The following NUP205 variants were observed in gnomAD, a reference collection of about 807,000 sequenced individuals.
NUP205 encodes the protein nuclear pore complex protein Nup205.
NUP205 carries 76 observed loss-of-function variants against 253.8 expected under a neutral mutation model. The ratio of observed to expected loss-of-function variants is 0.30; its 90% CI spans 0.25 to 0.36. The LOEUF is 0.36. Among genes scored for constraint, NUP205 ranks in the 10% least tolerant of loss-of-function variants. NUP205 has a pLI of 1.00. For synonymous variants in NUP205, 832 were observed against 850.1 expected (o/e 0.98, Z 0.37); for missense variants, 2,162 against 2,425.5 (o/e 0.89, Z 2.28).
At chr7:135,629,268 G>A (rs1794654726) in intron 34 of NUP205, among the ~76,000 whole-genome samples, 2 of 152,220 alleles carry the variant, frequency 1.3e-5, no homozygotes, top group South Asian at 2.1e-4. Context: ...GACTCCATGA[G>A]TGTACATTAT....
intron 22 of NUP205, among the ~76,000 whole-genome samples, chr7:135,611,654 T>G (rs1794241960): frequency 6.6e-6 from 1 of 152,194 alleles, no homozygotes; most frequent in South Asian, 2.1e-4. Context: ...TCCAGTTTTT[T>G]TTTTACTCTG....
intron 35 of NUP205, among the ~76,000 whole-genome samples, chr7:135,632,705 A>C (rs1794737589): frequency 6.6e-6 from 1 of 151,902 alleles, no homozygotes; most frequent in Non-Finnish European, 1.5e-5. Context: ...CCAGTGTCCT[A>C]AGATGATACC....
chr7:135,581,995 G>A (rs533607674), intron 7 of NUP205, among the ~76,000 whole-genome samples: 27 of 152,234 alleles, frequency 1.8e-4, no homozygotes, highest in Non-Finnish European at 3.7e-4. Context: ...TCTTCAAGAA[G>A]TAATTTTTGG....
At position 135,606,784 on chromosome 7, in the gene NUP205, G is replaced by A. The variant is rs550978799; in HGVS notation, c.2939G>A (p.Arg980His). 1.2e-5 allele frequency: 19 copies of A among 1,613,572 alleles called. No individual in the cohort carries two copies. Among genetic ancestry groups the A allele is most frequent in the Admixed American group, 1.0e-4 (6 of 59,982 alleles). The change falls in exon 21 of 43, where the codon CGT (arginine) becomes CAT (histidine). Residue 980 changes from arginine to histidine, a missense_variant. This residue lies in a region of NUP205 where 1,144 missense variants were observed against 1,280.9 expected (regional missense o/e 0.89). Coordinates refer to ENST00000285968, the MANE Select transcript of NUP205 (RefSeq NM_015135.3). ...CTTGAAAAGAAATTAGTTGCAATTC[G>A]TCATGAAACAAGAATCCACATCTTG... ...SELEKKLVAI[R>H]HETRIHILNL...
chr7:135,570,854 T>TTACA (rs1805974922), intron 1 of NUP205, among the ~76,000 whole-genome samples: 1 of 114,172 alleles, frequency 8.8e-6, no homozygotes, highest in Admixed American at 1.2e-4. Flanking sequence ...ATTACATATA[T>TTACA]TATATATAAA....
At chr7:135,560,395 A>G (rs890814655) in intron 1 of NUP205, among the ~76,000 whole-genome samples, 2 of 152,230 alleles carry the variant, frequency 1.3e-5, no homozygotes, top group African/African-American at 4.8e-5. Flanking sequence ...AAGAGTGTAC[A>G]TTGTATAATA....
intron 29 of NUP205, 41 bp downstream of exon 29, chr7:135,619,731 A>G (rs1165943533): frequency 6.3e-7 from 1 of 1,595,940 alleles, no homozygotes; most frequent in South Asian, 1.1e-5. Context: ...TATCTTTTGT[A>G]TTTGTTTTAA....
rs536970647 is a variant in NUP205 at position 135,626,124 on chromosome 7, G to C, written c.4672-116G>C. Reference sequence around the variant, plus strand: ...TATAATGTAACCTGTCACTAGCCCAGATTTCTCTTCAGTGATAACTAAGGA... The same window carrying C: ...TATAATGTAACCTGTCACTAGCCCACATTTCTCTTCAGTGATAACTAAGGA... On this transcript the variant is annotated intron_variant, in intron 32 of 42. Transcript: ENST00000285968. 35 of 1,260,850 alleles carry C rather than the reference G, an allele frequency of 2.8e-5. No homozygotes were observed. The African/African-American group carries it at 4.9e-4, about 18-fold the overall frequency. 78.1% of individuals were successfully genotyped at this position (1,260,850 alleles called of 1,614,324 possible).
intron 33 of NUP205, 77 bp from the exon 34 acceptor site, chr7:135,627,896 G>T: frequency 7.1e-7 from 1 of 1,417,714 alleles, no homozygotes; most frequent in East Asian, 2.3e-5. Context: ...TGATTTATTT[G>T]CCATATCAGT....
chr7:135,573,253 A>T (rs1356370753), intron 2 of NUP205, among the ~76,000 whole-genome samples: 2 of 152,206 alleles, frequency 1.3e-5, no homozygotes, highest in Non-Finnish European at 2.9e-5. Flanking sequence ...ACTACATTTT[A>T]TATAACATTA....
chr7:135,606,673 A>T, intron 20 of NUP205, 78 bp from the exon 21 acceptor site: 1 of 1,107,250 alleles, frequency 9.0e-7, no homozygotes, highest in Non-Finnish European at 1.3e-6. Flanking sequence ...GAGTTGGAAT[A>T]CAAGTTTTGT....
At position 135,600,875 on chromosome 7, in the gene NUP205, A is replaced by C. The variant is rs965928762; in HGVS notation, c.2280A>C (p.Glu760Asp). The stretch of plus-strand genomic sequence containing the variant: ...CTATTTATATCTTTCTATAGTGGGA[A>C]GTTGCTGAGGTGGTTTTGGAGGTGT... ...RAYRRAAEKW[E>D]VAEVVLEVFY... The change falls in exon 16 of 43, where the codon GAA becomes GAC. Residue 760 changes from glutamate to aspartate, a missense_variant. Glu to Asp is a conservative substitution (Grantham distance 45). Transcript: ENST00000285968. 1 of 1,601,698 alleles carries C rather than the reference A, an allele frequency of 6.2e-7. No individual in the cohort carries two copies. Among genetic ancestry groups the C allele is most frequent in the Non-Finnish European group, 8.5e-7 (1 of 1,169,886 alleles).
At chr7:135,599,883 A>G (rs1469550255) in intron 15 of NUP205, among the ~76,000 whole-genome samples, 1 of 152,220 alleles carries the variant, frequency 6.6e-6, no homozygotes, top group Non-Finnish European at 1.5e-5. Context: ...GATAAATAAC[A>G]GCGTGTTAGA....
chr7:135,567,512 A>AG (rs1021066295), intron 1 of NUP205, among the ~76,000 whole-genome samples: 109 of 147,998 alleles, frequency 7.4e-4, no homozygotes, highest in African/African-American at 2.5e-3. Context: ...CAGGAGGCTG[A>AG]GGGGGGCAGT....
At chr7:135,620,227 C>T (rs951169680) in intron 30 of NUP205, among the ~76,000 whole-genome samples, 2 of 152,108 alleles carry the variant, frequency 1.3e-5, no homozygotes, top group African/African-American at 4.8e-5. Flanking sequence ...GAGTACTTAT[C>T]TAGTTGATTC....
At chr7:135,620,228 TA>T (rs1216638939) in intron 30 of NUP205, among the ~76,000 whole-genome samples, 1 of 152,218 alleles carries the variant, frequency 6.6e-6, no homozygotes, top group Non-Finnish European at 1.5e-5. Flanking sequence ...AGTACTTATC[TA>T]GTTGATTCTT....
chr7:135,563,184 T>G (rs1475604400), intron 1 of NUP205, among the ~76,000 whole-genome samples: 1 of 152,070 alleles, frequency 6.6e-6, no homozygotes, highest in African/African-American at 2.4e-5. Context: ...TTATTTTATT[T>G]TTATTTATTT....
chr7:135,647,083 T>C (rs1795026588), intron 42 of NUP205, among the ~76,000 whole-genome samples: 1 of 152,218 alleles, frequency 6.6e-6, no homozygotes, highest in African/African-American at 2.4e-5. Context: ...TGATCAGTAG[T>C]GTTAGAATGA....
Position 135,573,833 on chromosome 7 carries a change from G to T in NUP205, c.343+8G>T, listed in dbSNP as rs1392979485. On this transcript the variant is annotated splice_region_variant and intron_variant, in intron 3 of 42. Coordinates refer to ENST00000285968, the MANE Select transcript of NUP205 (RefSeq NM_015135.3). ...TTGAGCTTCTTCTTGCTGGTAGGTT[G>T]ACATTTAACTGAAACAGTGGTAAAA... 1 of 1,602,424 alleles carries T rather than the reference G, an allele frequency of 6.2e-7. No individual in the cohort carries two copies. The highest frequency in any genetic ancestry group is 1.7e-4 in the Middle Eastern group (1 of 5,984).
Sources: allele counts gnomAD v4.1 joint callset (sites outside exome capture counted in the v4.1 genomes callset), GRCh38; gene constraint gnomAD v4.1.1; regional missense constraint gnomAD v4.1.1; transcripts MANE v1.5; gene names NCBI Gene and HGNC (gene_info 2026-07-23, HGNC 2026-07-21).